Variants in GRM7 observed in about 807,000 individuals in gnomAD.
The protein encoded by GRM7 is glutamate metabotropic receptor 7.
A neutral mutation model predicts 84.5 loss-of-function variants in GRM7; 35 were observed. The observed-to-expected ratio is 0.41, with a 90% CI of 0.32 to 0.55. GRM7 has a LOEUF of 0.55. Ranked by LOEUF, GRM7 falls within the 20% of genes least tolerant of loss-of-function variation. The pLI is 0.19. For missense variants in GRM7, 1,003 were observed against 1,194.6 expected (o/e 0.84, Z 2.36); for synonymous variants, 487 against 455.1 (o/e 1.07, Z -0.89).
At position 7,468,049 on chromosome 3, in the gene GRM7, A is replaced by C. The variant is rs138863232; in HGVS notation, c.1515+6327A>C. On this transcript the variant is annotated intron_variant, in intron 7 of 9. Transcript: ENST00000357716. ...TTGATTGCCAAAATCTGTTTAATAC[A>C]ATTAAATGTTTCCAAATCAATATGG... 9.5e-3 allele frequency among the ~76,000 whole-genome samples: 1,449 copies of C among 152,342 alleles called. 16 individuals are homozygous for C. The highest frequency in any genetic ancestry group is 0.02 in the Middle Eastern group (6 of 294).
chr3:7,664,717 G>A (rs540034612), intron 8 of GRM7, among the ~76,000 whole-genome samples: 2 of 152,202 alleles, frequency 1.3e-5, no homozygotes, highest in African/African-American at 2.4e-5. Context: ...GCTAGAAAAT[G>A]AATAAAGACA....
chr3:7,430,115 T>A (rs1317540833), intron 5 of GRM7, among the ~76,000 whole-genome samples: 1 of 152,156 alleles, frequency 6.6e-6, no homozygotes, highest in African/African-American at 2.4e-5. Flanking sequence ...AGAGACCTTA[T>A]CTCAAATAAA....
At chr3:7,295,706 C>T (rs891883507) in intron 2 of GRM7, among the ~76,000 whole-genome samples, 2 of 151,898 alleles carry the variant, frequency 1.3e-5, no homozygotes, top group East Asian at 1.9e-4. Flanking sequence ...TATTAAATGG[C>T]GTTGTGTTTC....
chr3:7,349,365 G>A (rs1194988083), intron 4 of GRM7, among the ~76,000 whole-genome samples: 1 of 152,088 alleles, frequency 6.6e-6, no homozygotes, highest in East Asian at 1.9e-4. Flanking sequence ...CCCAGCTGAT[G>A]GGCTTGTCAT....
intron 4 of GRM7, among the ~76,000 whole-genome samples, chr3:7,366,306 C>G (rs925771491): frequency 1.3e-5 from 2 of 151,816 alleles, no homozygotes; most frequent in Admixed American, 6.6e-5. Context: ...CACCTTGACA[C>G]TTTCCATTTA....
chr3:7,624,579 A>G (rs1256068745), intron 8 of GRM7, among the ~76,000 whole-genome samples: 1 of 152,174 alleles, frequency 6.6e-6, no homozygotes, highest in Non-Finnish European at 1.5e-5. Flanking sequence ...GGCACATGCT[A>G]GAACAGATTA....
intron 1 of GRM7, among the ~76,000 whole-genome samples, chr3:6,880,022 A>T (rs1043534569): frequency 6.6e-6 from 1 of 152,200 alleles, no homozygotes; most frequent in African/African-American, 2.4e-5. Flanking sequence ...TGGAGCAAAG[A>T]AAGTATTTAC....
intron 1 of GRM7, among the ~76,000 whole-genome samples, chr3:6,919,334 G>T (rs1697042648): frequency 1.3e-5 from 2 of 149,900 alleles, no homozygotes; most frequent in Non-Finnish European, 1.5e-5. Context: ...AAGTAGCTGC[G>T]ATTATAAGTG....
intron 2 of GRM7, 149 bp downstream of exon 2, chr3:7,146,817 T>C (rs1212060243): frequency 4.8e-6 from 3 of 620,982 alleles, no homozygotes; most frequent in Non-Finnish European, 8.4e-6. Flanking sequence ...TCTGTATGAC[T>C]TTGTTGTTTT....
chr3:7,265,385 T>G (rs1466331199), intron 2 of GRM7, among the ~76,000 whole-genome samples: 1 of 152,190 alleles, frequency 6.6e-6, no homozygotes, highest in Non-Finnish European at 1.5e-5. Flanking sequence ...TCATAATAAT[T>G]CTCTAAGTTG....
intron 7 of GRM7, among the ~76,000 whole-genome samples, chr3:7,498,286 T>A (rs1699771234): frequency 6.6e-6 from 1 of 152,186 alleles, no homozygotes; most frequent in Admixed American, 6.5e-5. Context: ...GGCAATAGCC[T>A]ACAATGCATT....
At chr3:7,221,209 C>T (rs1696790732) in intron 2 of GRM7, among the ~76,000 whole-genome samples, 1 of 152,130 alleles carries the variant, frequency 6.6e-6, no homozygotes, top group Admixed American at 6.5e-5. Flanking sequence ...CTCTCATCTG[C>T]AGTGTAAAAA....
At chr3:6,914,014 C>T (rs762626974) in intron 1 of GRM7, among the ~76,000 whole-genome samples, 2 of 152,166 alleles carry the variant, frequency 1.3e-5, no homozygotes, top group East Asian at 1.9e-4. Flanking sequence ...ACACACTGAA[C>T]ATCCATTCAC....
At chr3:7,167,924 A>G (rs1332652204) in intron 2 of GRM7, among the ~76,000 whole-genome samples, 5 of 138,378 alleles carry the variant, frequency 3.6e-5, no homozygotes, top group Admixed American at 1.6e-4. Context: ...AGCCAAGATC[A>G]CGCCACTGCA....
intron 4 of GRM7, among the ~76,000 whole-genome samples, chr3:7,377,857 G>A (rs922942957): frequency 1.3e-5 from 2 of 152,118 alleles, no homozygotes; most frequent in Non-Finnish European, 1.5e-5. Context: ...GTTATTGGAG[G>A]TTACCACTTA....
At chr3:7,460,268 C>A (rs185695173) in intron 6 of GRM7, among the ~76,000 whole-genome samples, 1 of 152,134 alleles carries the variant, frequency 6.6e-6, no homozygotes, top group African/African-American at 2.4e-5. Context: ...GTTTTATTTG[C>A]TTATACCTCA....
chr3:7,201,770 C>A (rs1187029559), intron 2 of GRM7, among the ~76,000 whole-genome samples: 1 of 152,026 alleles, frequency 6.6e-6, no homozygotes, highest in Non-Finnish European at 1.5e-5. Flanking sequence ...GAATTTTCAC[C>A]CTGTCTGATT....
chr3:7,050,177 A>G (rs1015643260), intron 1 of GRM7, among the ~76,000 whole-genome samples: 10 of 151,902 alleles, frequency 6.6e-5, no homozygotes, highest in African/African-American at 2.2e-4. Flanking sequence ...CACAAACTAC[A>G]TGTTCCACAC....
intron 4 of GRM7, among the ~76,000 whole-genome samples, chr3:7,398,793 T>TG (rs1232487088): frequency 1.3e-5 from 2 of 152,098 alleles, no homozygotes; most frequent in Non-Finnish European, 2.9e-5. Context: ...TTTCTGAACT[T>TG]GGGGCCCTGT....
Sources: allele counts gnomAD v4.1 joint callset (sites outside exome capture counted in the v4.1 genomes callset), GRCh38; gene constraint gnomAD v4.1.1; transcripts MANE v1.5; gene names NCBI Gene and HGNC (gene_info 2026-07-23, HGNC 2026-07-21).